The following LRRC4C variants were observed in gnomAD, a reference collection of about 807,000 sequenced individuals.
The protein encoded by LRRC4C is leucine-rich repeat-containing protein 4C.
A neutral mutation model predicts 33.6 loss-of-function variants in LRRC4C; 5 were observed. The observed-to-expected ratio is 0.15, with a 90% CI of 0.08 to 0.31. The LOEUF is 0.31. LRRC4C is among the 10% of genes least tolerant of loss of function. The pLI, the probability that LRRC4C is intolerant of heterozygous loss-of-function variation, is 1.00. For synonymous variants in LRRC4C, 329 were observed against 302.0 expected, an observed-to-expected ratio of 1.09 and a Z score of -0.93; for missense variants, 560 against 796.7, an observed-to-expected ratio of 0.70 and a Z score of 3.58.
At chr11:41,251,384 C>A (rs769690737) in intron 1 of LRRC4C, among the ~76,000 whole-genome samples, 11 of 152,196 alleles carry the variant, frequency 7.2e-5, no homozygotes, top group Non-Finnish European at 1.3e-4. Flanking sequence ...CTGTTTCTTT[C>A]TCCCACAAGT....
At position 40,911,277 on chromosome 11, in the gene LRRC4C, C is replaced by T. The variant is rs187985138; in HGVS notation, c.-407+22358G>A. On this transcript the variant is annotated intron_variant, in intron 2 of 6. Transcript: ENST00000528697. ...AGAGGGTCCCTGAACCCCGAGTAGC[C>T]CAACTGGGAGGCACCCCCGAGTAGG... Among the ~76,000 whole-genome samples the T allele has an allele frequency of 2.6e-5, 4 of 152,250 alleles. No individual in the cohort carries two copies. The East Asian group carries it at 7.8e-4, about 30-fold the overall frequency.
At chr11:41,261,717 G>A (rs1277655967) in intron 1 of LRRC4C, among the ~76,000 whole-genome samples, 1 of 152,020 alleles carries the variant, frequency 6.6e-6, no homozygotes, top group Non-Finnish European at 1.5e-5. Flanking sequence ...CTTGTCTGAG[G>A]GACACTGAAG....
intron 2 of LRRC4C, among the ~76,000 whole-genome samples, chr11:40,875,076 T>C (rs1591962290): frequency 1.3e-5 from 2 of 152,280 alleles, no homozygotes; most frequent in African/African-American, 4.8e-5. Flanking sequence ...AGAATTTATA[T>C]AACATTTATT....
intron 1 of LRRC4C, among the ~76,000 whole-genome samples, chr11:41,156,374 G>A (rs1944233520): frequency 6.6e-6 from 1 of 152,122 alleles, no homozygotes; most frequent in African/African-American, 2.4e-5. Flanking sequence ...AAACAAAAAT[G>A]TCTTGCTCCC....
At chr11:40,750,622 G>A (rs1948642699) in intron 2 of LRRC4C, among the ~76,000 whole-genome samples, 1 of 139,654 alleles carries the variant, frequency 7.2e-6, no homozygotes, top group East Asian at 2.2e-4. Context: ...CATGGACACA[G>A]GAAGAGGAAC....
intron 4 of LRRC4C, among the ~76,000 whole-genome samples, chr11:40,310,856 G>A (rs375863783): frequency 3.3e-5 from 5 of 152,258 alleles, no homozygotes; most frequent in Middle Eastern, 3.4e-3. Context: ...TCCAAAGACT[G>A]GGTCCTAAAG....
intron 1 of LRRC4C, among the ~76,000 whole-genome samples, chr11:41,271,477 T>A (rs4369391): frequency 0.24 from 35,817 of 151,866 alleles, 4,962 homozygotes; most frequent in African/African-American, 0.39. Flanking sequence ...CCCCAGCTGG[T>A]TTTTGCTTAT....
chr11:40,532,680 A>C (rs914658562), intron 3 of LRRC4C, among the ~76,000 whole-genome samples: 1 of 148,830 alleles, frequency 6.7e-6, no homozygotes, highest in Non-Finnish European at 1.5e-5. Flanking sequence ...TTAGTAGATT[A>C]AGAAAAACAA....
chr11:40,704,277 C>T (rs1946029734), intron 2 of LRRC4C, among the ~76,000 whole-genome samples: 1 of 152,068 alleles, frequency 6.6e-6, no homozygotes, highest in African/African-American at 2.4e-5. Flanking sequence ...GCTGGGTTTC[C>T]TGGAACCAAT....
intron 1 of LRRC4C, among the ~76,000 whole-genome samples, chr11:41,176,075 T>C (rs1945186130): frequency 6.6e-6 from 1 of 152,144 alleles, no homozygotes; most frequent in Admixed American, 6.5e-5. Flanking sequence ...CTTCGCCAAC[T>C]AAAACTAAAA....
At chr11:40,479,007 T>G (rs1478938372) in intron 3 of LRRC4C, among the ~76,000 whole-genome samples, 2 of 152,190 alleles carry the variant, frequency 1.3e-5, no homozygotes, top group African/African-American at 2.4e-5. Flanking sequence ...TTATACAAAA[T>G]GATTACTCTG....
chr11:41,235,955 T>C (rs1948003318), intron 1 of LRRC4C, among the ~76,000 whole-genome samples: 1 of 152,118 alleles, frequency 6.6e-6, no homozygotes, highest in African/African-American at 2.4e-5. Context: ...GAATCTAGAA[T>C]TGGTGTGCCA....
chr11:40,791,950 T>C (rs1001194445), intron 2 of LRRC4C, among the ~76,000 whole-genome samples: 1 of 152,150 alleles, frequency 6.6e-6, no homozygotes, highest in Non-Finnish European at 1.5e-5. Context: ...CTTCTTTTCC[T>C]TTAGTGGCTA....
chr11:41,254,053 T>C (rs1453122909), intron 1 of LRRC4C, among the ~76,000 whole-genome samples: 2 of 152,082 alleles, frequency 1.3e-5, no homozygotes, highest in African/African-American at 2.4e-5. Context: ...AAAATATATA[T>C]ACGACCTAGT....
intron 1 of LRRC4C, among the ~76,000 whole-genome samples, chr11:41,406,412 A>T (rs1483960733): frequency 1.3e-5 from 2 of 152,098 alleles, no homozygotes; most frequent in Non-Finnish European, 2.9e-5. Context: ...AAATATATAC[A>T]AAGTTGATTT....
At chr11:40,697,965 G>T (rs536095826) in intron 2 of LRRC4C, among the ~76,000 whole-genome samples, 104 of 151,668 alleles carry the variant, frequency 6.9e-4, no homozygotes, top group Non-Finnish European at 1.3e-3. Context: ...CTACAGGGGA[G>T]GCTGAGGCAG....
chr11:41,247,323 T>G (rs1948486338), intron 1 of LRRC4C, among the ~76,000 whole-genome samples: 1 of 152,228 alleles, frequency 6.6e-6, no homozygotes, highest in Non-Finnish European at 1.5e-5. Context: ...AAAACTGTTT[T>G]CAAGTCACCA....
intron 2 of LRRC4C, among the ~76,000 whole-genome samples, chr11:40,750,782 C>T (rs1948654894): frequency 6.8e-6 from 1 of 148,030 alleles, no homozygotes; most frequent in Admixed American, 6.8e-5. Flanking sequence ...TGCACATGTA[C>T]CCTAAAGCTT....
intron 3 of LRRC4C, among the ~76,000 whole-genome samples, chr11:40,392,270 T>A (rs1565344058): frequency 2.6e-5 from 4 of 152,262 alleles, no homozygotes; most frequent in South Asian, 4.1e-4. Flanking sequence ...AAAACGTATA[T>A]AATATACAAC....
Sources: gnomAD v4.1 joint callset for allele counts (sites outside exome capture counted in the v4.1 genomes callset) on GRCh38, gnomAD v4.1.1 for gene constraint, MANE v1.5 for transcripts, NCBI Gene and HGNC (gene_info 2026-07-23, HGNC 2026-07-21) for gene names.